Variants in ARID4B observed in about 807,000 individuals in gnomAD.
The protein encoded by ARID4B is AT-rich interactive domain-containing protein 4B.
Under a neutral mutation model 147.5 loss-of-function variants are expected in ARID4B, and 26 were observed. The ratio of observed to expected loss-of-function variants is 0.18; its 90% confidence interval spans 0.13 to 0.24. ARID4B has a LOEUF of 0.24. Among genes scored for constraint, ARID4B ranks in the 10% least tolerant of loss-of-function variants. ARID4B has a pLI of 1.00. For missense variants in ARID4B, 1,179 were observed against 1,511.5 expected, an observed-to-expected ratio of 0.78 and a Z score of 3.65; for synonymous variants, 512 against 507.9, an observed-to-expected ratio of 1.01 and a Z score of -0.11.
chr1:235,327,058 A>C, intron 1 of ARID4B, 90 bp from the exon 2 acceptor site: 1 of 884,502 alleles, frequency 1.1e-6, no homozygotes, highest in Non-Finnish European at 1.8e-6. Context: ...CGACGTCCGA[A>C]CCCCGAAGAA....
At chr1:235,313,090 C>T (rs1358990322) in intron 2 of ARID4B, among the ~76,000 whole-genome samples, 5 of 152,186 alleles carry the variant, frequency 3.3e-5, no homozygotes, top group Admixed American at 2.6e-4. Flanking sequence ...ATCACCTAGG[C>T]TGGAGTGCAG....
chr1:235,233,208 G>A (rs1275926193), intron 9 of ARID4B, among the ~76,000 whole-genome samples: 2 of 152,146 alleles, frequency 1.3e-5, no homozygotes, highest in African/African-American at 2.4e-5. Context: ...AGCATTTTGG[G>A]AGGCCAGGGC....
chr1:235,184,718 A>C (rs771162706), intron 19 of ARID4B, among the ~76,000 whole-genome samples: 2 of 152,240 alleles, frequency 1.3e-5, no homozygotes, highest in Non-Finnish European at 2.9e-5. Flanking sequence ...TCATAATGAA[A>C]AACCAAAAAG....
In ARID4B at chr1:235,230,620, GAAA is replaced by G. The variant is rs1208682031; in HGVS notation, c.742+490_742+492del. Among the ~76,000 whole-genome samples the G allele has an allele frequency of 6.4e-5, 5 of 78,198 alleles. No homozygotes were observed. In the East Asian group the frequency reaches 1.5e-3, roughly 23 times the overall value. 51.3% of individuals were successfully genotyped at this position (78,198 alleles called of 152,430 possible). A position where few individuals can be genotyped will look rare whatever the true frequency, so the allele number is the denominator to read the frequency against. On this transcript the variant is annotated intron_variant, in intron 10 of 23. Coordinates refer to ENST00000264183, the MANE Select transcript of ARID4B (RefSeq NM_016374.6). Reference sequence around the variant, plus strand: ...AAAAAAAAAAAAAAAAAAAAAACCAGAAAAAAAAAGGAAACCTATGGTTGGGCG... The same window carrying G: ...AAAAAAAAAAAAAAAAAAAAAACCAGAAAAAAGGAAACCTATGGTTGGGCG...
chr1:235,240,069 G>A (rs185158962), intron 8 of ARID4B, among the ~76,000 whole-genome samples: 22 of 151,996 alleles, frequency 1.4e-4, no homozygotes, highest in East Asian at 1.4e-3. Context: ...ATTTTCTACC[G>A]AGAGAGAGAG....
intron 7 of ARID4B, 48 bp from the exon 8 acceptor site, chr1:235,240,499 T>C: frequency 6.4e-7 from 1 of 1,555,638 alleles, no homozygotes; most frequent in Non-Finnish European, 8.8e-7. Flanking sequence ...TCACAAAGAA[T>C]AAGCATGCCA....
intron 10 of ARID4B, among the ~76,000 whole-genome samples, chr1:235,229,856 ATTACC>A (rs2103045838): frequency 6.6e-6 from 1 of 152,338 alleles, no homozygotes; most frequent in Admixed American, 6.5e-5. Flanking sequence ...TATGGTAACA[ATTACC>A]TTCAACTAAA....
intron 2 of ARID4B, among the ~76,000 whole-genome samples, chr1:235,300,902 A>G (rs2103244991): frequency 6.6e-6 from 1 of 152,036 alleles, no homozygotes. Context: ...TTTTTAGTAG[A>G]GGCGGGGTTT....
intron 2 of ARID4B, among the ~76,000 whole-genome samples, chr1:235,267,971 C>T (rs1281679168): frequency 6.6e-6 from 1 of 152,002 alleles, no homozygotes; most frequent in Non-Finnish European, 1.5e-5. Flanking sequence ...GGGGCCATTT[C>T]TTCTCTCCTT....
intron 20 of ARID4B, among the ~76,000 whole-genome samples, chr1:235,178,548 T>C (rs563387372): frequency 3.9e-5 from 6 of 152,282 alleles, no homozygotes; most frequent in Admixed American, 3.3e-4. Flanking sequence ...GTCTCCCTTT[T>C]CTTCAAGGAC....
intron 17 of ARID4B, among the ~76,000 whole-genome samples, chr1:235,199,319 T>C (rs1029832259): frequency 6.6e-6 from 1 of 152,244 alleles, no homozygotes; most frequent in Admixed American, 6.5e-5. Flanking sequence ...TCAGTGCTTT[T>C]ATTTGTTTAA....
chr1:235,202,765 G>C (rs1482096399), intron 17 of ARID4B, among the ~76,000 whole-genome samples: 2 of 151,822 alleles, frequency 1.3e-5, no homozygotes, highest in Non-Finnish European at 2.9e-5. Flanking sequence ...GGCCAGACTT[G>C]TCTTGAACTC....
rs1663826946 is a variant in ARID4B at position 235,175,778 on chromosome 1, G to A, written c.3449-379C>T. The A allele has an allele frequency of 1.7e-5, 3 of 177,098 alleles. No homozygotes were observed. In the South Asian group the frequency reaches 3.6e-4, roughly 21 times the overall value. 11.0% of individuals were successfully genotyped at this position (177,098 alleles called of 1,614,324 possible). A position where few individuals can be genotyped will look rare whatever the true frequency, so the allele number is the denominator to read the frequency against. ...AATGAATATGTAACATTGGGTATAT[G>A]CAACATTTTCCTGCTCCTTTGGCCA... On this transcript the variant is annotated intron_variant, in intron 21 of 23. Coordinates refer to ENST00000264183, the MANE Select transcript of ARID4B (RefSeq NM_016374.6).
intron 4 of ARID4B, among the ~76,000 whole-genome samples, chr1:235,256,385 C>T (rs987941076): frequency 2.0e-5 from 3 of 152,180 alleles, no homozygotes; most frequent in African/African-American, 4.8e-5. Context: ...GTCCTTGCCC[C>T]GTATTTCCAC....
Position 235,168,460 on chromosome 1 carries a change from G to A in ARID4B, c.*65C>T, listed in dbSNP as rs1198368016. On this transcript the variant is annotated 3_prime_UTR_variant, in exon 24 of 24. Coordinates refer to ENST00000264183, the MANE Select transcript of ARID4B (RefSeq NM_016374.6). ...GTCTGATATTTTTTTGTGCCACTGTGCAGTATAAAAAAAAAGTGGCCCTCA... is the reference window on the plus strand; with the variant it reads ...GTCTGATATTTTTTTGTGCCACTGTACAGTATAAAAAAAAAGTGGCCCTCA... 2.5e-6 allele frequency: 4 copies of A among 1,580,288 alleles called. No individual in the cohort carries two copies. The highest frequency in any genetic ancestry group is 3.5e-6 in the Non-Finnish European group (4 of 1,159,124).
chr1:235,282,909 T>C (rs1258801066), intron 2 of ARID4B, among the ~76,000 whole-genome samples: 3 of 152,066 alleles, frequency 2.0e-5, no homozygotes, highest in Non-Finnish European at 4.4e-5. Context: ...GCCTCCCGAG[T>C]AGTTGGGACT....
At chr1:235,196,434 C>T (rs1665494164) in intron 17 of ARID4B, among the ~76,000 whole-genome samples, 1 of 152,154 alleles carries the variant, frequency 6.6e-6, no homozygotes, top group Non-Finnish European at 1.5e-5. Context: ...AGATAAATCA[C>T]AGTATTTTCT....
intron 2 of ARID4B, among the ~76,000 whole-genome samples, chr1:235,290,359 C>T (rs1220616561): frequency 2.0e-5 from 3 of 151,042 alleles, no homozygotes; most frequent in Admixed American, 6.6e-5. Flanking sequence ...AGGAGAACTG[C>T]TTGAACCAGG....
rs563965514 is a variant in ARID4B, at chr1:235,219,069, G to C, written c.1583+724C>G. 3.9e-4 allele frequency among the ~76,000 whole-genome samples: 60 copies of C among 151,978 alleles called. No individual in the cohort carries two copies. In the South Asian group the frequency reaches 0.012, roughly 32 times the overall value. ...AGAAGAGACAGGGTTTCGGTATGTTGGCCAGGCTGGTCTTGAAATCCCGAC... is the reference window on the plus strand; with the variant it reads ...AGAAGAGACAGGGTTTCGGTATGTTCGCCAGGCTGGTCTTGAAATCCCGAC... On this transcript the variant is annotated intron_variant, in intron 16 of 23. Coordinates refer to ENST00000264183, the MANE Select transcript of ARID4B (RefSeq NM_016374.6).
Sources: allele counts gnomAD v4.1 joint callset (sites outside exome capture counted in the v4.1 genomes callset), GRCh38; gene constraint gnomAD v4.1.1; transcripts MANE v1.5; gene names NCBI Gene and HGNC (gene_info 2026-07-23, HGNC 2026-07-21).